The following CDK13 variants were observed in gnomAD, a reference collection of about 807,000 sequenced individuals.
CDK13 encodes cyclin dependent kinase 13.
CDK13 carries 40 observed loss-of-function variants against 137.6 expected under a neutral mutation model. That is an observed-to-expected ratio of 0.29 (90% CI 0.23 to 0.38). The LOEUF (loss-of-function observed/expected upper bound fraction) is 0.38. Ranked by LOEUF, CDK13 falls within the 10% of genes least tolerant of loss-of-function variation. The pLI is 1.00. For missense variants in CDK13, 1,704 were observed against 1,951.8 expected (o/e 0.87, Z 2.39); for synonymous variants, 869 against 760.1 (o/e 1.14, Z -2.36).
intron 9 of CDK13, among the ~76,000 whole-genome samples, chr7:40,074,099 C>G (rs1478866531): frequency 6.6e-6 from 1 of 152,002 alleles, no homozygotes; most frequent in Non-Finnish European, 1.5e-5. Flanking sequence ...ACAGGGTTTC[C>G]CCATCTTGCC....
intron 11 of CDK13, among the ~76,000 whole-genome samples, chr7:40,082,038 T>C (rs1219722906): frequency 1.3e-5 from 2 of 152,278 alleles, no homozygotes; most frequent in Non-Finnish European, 2.9e-5. Context: ...TTGCTTATTC[T>C]AGAATGAGAC....
In CDK13 at chr7:39,950,813, C is replaced by T. The variant is rs1255172268; in HGVS notation, c.172C>T (p.Leu58=). The change falls in exon 1 of 14, where the codon CTG becomes TTG. Residue 58 remains leucine (L), a synonymous_variant. Coordinates refer to ENST00000181839, the MANE Select transcript of CDK13 (RefSeq NM_003718.5). The part of the protein sequence containing the change: ...LLQPPPPPPP[L]LFLAAPGTAA... ...GCAACCGCCGCCGCCCCCGCCGCCT[C>T]TGCTCTTCCTGGCTGCTCCCGGCAC... 5 of 1,451,296 alleles carry T rather than the reference C, an allele frequency of 3.4e-6. No homozygotes were observed. The highest frequency in any genetic ancestry group is 2.7e-5 in the South Asian group (2 of 73,728). 89.9% of individuals were successfully genotyped at this position (1,451,296 alleles called of 1,614,324 possible).
intron 9 of CDK13, among the ~76,000 whole-genome samples, chr7:40,064,315 T>A (rs1407476333): frequency 6.7e-6 from 1 of 150,158 alleles, no homozygotes. Flanking sequence ...GTGGGGGGGC[T>A]TCAGTTTCAT....
At chr7:40,011,934 A>T (rs959363179) in intron 5 of CDK13, among the ~76,000 whole-genome samples, 1 of 152,236 alleles carries the variant, frequency 6.6e-6, no homozygotes, top group Non-Finnish European at 1.5e-5. Context: ...AGAACTAAAT[A>T]ATGAAAAAAG....
chr7:40,074,918 GAAAT>G (rs1181984636), intron 9 of CDK13, among the ~76,000 whole-genome samples: 1 of 151,838 alleles, frequency 6.6e-6, no homozygotes, highest in African/African-American at 2.4e-5. Flanking sequence ...ATAAAGGAAA[GAAAT>G]AGAAACACTA....
chr7:40,085,972 C>G (rs1351816970), intron 11 of CDK13, among the ~76,000 whole-genome samples: 4 of 152,170 alleles, frequency 2.6e-5, no homozygotes, highest in Admixed American at 2.6e-4. Flanking sequence ...AACCTATCCC[C>G]TTGCCTTCCT....
intron 5 of CDK13, among the ~76,000 whole-genome samples, chr7:40,015,126 T>C (rs1784977958): frequency 6.6e-6 from 1 of 152,226 alleles, no homozygotes; most frequent in Non-Finnish European, 1.5e-5. Context: ...TGGAATGACT[T>C]TCTTCTCTGG....
intron 1 of CDK13, among the ~76,000 whole-genome samples, chr7:39,973,143 C>G (rs952695537): frequency 1.3e-5 from 2 of 152,040 alleles, no homozygotes; most frequent in African/African-American, 2.4e-5. Context: ...CCCACTACCC[C>G]CTCTTTTTTT....
intron 5 of CDK13, among the ~76,000 whole-genome samples, chr7:40,025,525 T>G (rs1785225381): frequency 6.6e-6 from 1 of 152,216 alleles, no homozygotes; most frequent in African/African-American, 2.4e-5. Context: ...CTTACTAGTC[T>G]TAACAGGTAG....
In CDK13 at chr7:40,053,898, T is replaced by A. The variant is rs547417584; in HGVS notation, c.2600+6021T>A. Among the ~76,000 whole-genome samples the A allele has an allele frequency of 3.8e-3, 581 of 152,316 alleles. 1 individual carries two copies. Among genetic ancestry groups the A allele is most frequent in the African/African-American group, 0.012 (516 of 41,570 alleles). On this transcript the variant is annotated intron_variant, in intron 7 of 13. Coordinates refer to ENST00000181839, the MANE Select transcript of CDK13 (RefSeq NM_003718.5). ...GAGATGGATGATGTAGGTATCATTC[T>A]TATGTACATTTTAAAGTTACAGAAG...
At chr7:40,013,156 T>A (rs2116370841) in intron 5 of CDK13, among the ~76,000 whole-genome samples, 1 of 152,248 alleles carries the variant, frequency 6.6e-6, no homozygotes, top group Admixed American at 6.5e-5. Flanking sequence ...AATAAGCCAG[T>A]CACAAAGATA....
At chr7:39,972,277 AT>A (rs1410460687) in intron 1 of CDK13, among the ~76,000 whole-genome samples, 3 of 152,210 alleles carry the variant, frequency 2.0e-5, no homozygotes, top group African/African-American at 7.2e-5. Context: ...AACACAAAAC[AT>A]TTCAGTTTTA....
chr7:39,960,775 A>G (rs1429428514), intron 1 of CDK13, among the ~76,000 whole-genome samples: 1 of 148,784 alleles, frequency 6.7e-6, no homozygotes, highest in Non-Finnish European at 1.5e-5. Context: ...AGGTTTTGCC[A>G]TGTTGGCCAG....
chr7:39,997,555 C>T lies in CDK13; in HGVS notation c.1933C>T (p.Leu645Phe), dbSNP rs1273658762. Reference sequence around the variant, plus strand: ...AGAAGTAGAAAAGAAACTCCGATGTCTTCTTGCTGATTTACCGCTGCCCCC... The same window carrying T: ...AGAAGTAGAAAAGAAACTCCGATGTTTTCTTGCTGATTTACCGCTGCCCCC... ...KKEVEKKLRCLLADLPLPPEL... is the reference protein window; with the variant it reads ...KKEVEKKLRCFLADLPLPPEL... Residue 645 changes from leucine to phenylalanine, a missense_variant, in exon 3 of 14, where the codon CTT becomes TTT. Physicochemically the swap from Leu to Phe is conservative, Grantham distance 22. This residue lies in a region of CDK13 where 1,051 missense variants were observed against 931.0 expected (regional missense o/e 1.13). Coordinates refer to ENST00000181839, the MANE Select transcript of CDK13 (RefSeq NM_003718.5). 3 of 1,605,226 alleles carry T rather than the reference C, an allele frequency of 1.9e-6. No homozygotes were observed. The highest frequency in any genetic ancestry group is 2.3e-5 in the South Asian group (2 of 88,404).
chr7:39,977,954 C>T (rs553474423), intron 1 of CDK13, among the ~76,000 whole-genome samples: 2 of 152,176 alleles, frequency 1.3e-5, no homozygotes, highest in African/African-American at 4.8e-5. Flanking sequence ...GAATAATTTC[C>T]AGGTTTCTGC....
chr7:40,074,688 A>G (rs961083150), intron 9 of CDK13, among the ~76,000 whole-genome samples: 2 of 151,612 alleles, frequency 1.3e-5, no homozygotes, highest in African/African-American at 2.4e-5. Context: ...AGATGGATGT[A>G]GTGGCATATT....
intron 1 of CDK13, among the ~76,000 whole-genome samples, chr7:39,977,669 C>CTT (rs1329310898): frequency 7.2e-5 from 11 of 152,084 alleles, no homozygotes; most frequent in Non-Finnish European, 1.5e-4. Flanking sequence ...TGGACAAGGA[C>CTT]TTTATATGCA....
intron 9 of CDK13, among the ~76,000 whole-genome samples, chr7:40,074,153 G>C (rs943814375): frequency 6.6e-6 from 1 of 151,962 alleles, no homozygotes; most frequent in Non-Finnish European, 1.5e-5. Flanking sequence ...ACCTGCATCG[G>C]CCTTCCAAAG....
chr7:40,061,321 A>G (rs1289268483), intron 7 of CDK13: 1 of 152,164 alleles, frequency 6.6e-6, no homozygotes, highest in Non-Finnish European at 1.5e-5. Flanking sequence ...CCAAAGTCAA[A>G]TGTTTTTGCT....
Sources: allele counts gnomAD v4.1 joint callset (sites outside exome capture counted in the v4.1 genomes callset), GRCh38; gene constraint gnomAD v4.1.1; regional missense constraint gnomAD v4.1.1; transcripts MANE v1.5; gene names NCBI Gene and HGNC (gene_info 2026-07-23, HGNC 2026-07-21).